CYRIA: variants seen among roughly 807,000 people sequenced by gnomAD.
CYRIA encodes CYFIP-related Rac1 interactor A.
CYRIA carries 15 observed loss-of-function variants against 43.9 expected under a neutral mutation model. The observed-to-expected ratio is 0.34, with a 90% CI of 0.23 to 0.53. The LOEUF is 0.53. Among genes scored for constraint, CYRIA ranks in the 20% least tolerant of loss-of-function variants. The pLI is 0.94. For synonymous variants in CYRIA, 117 were observed against 136.0 expected (o/e 0.86, Z 0.97); for missense variants, 236 against 394.2 (o/e 0.60, Z 3.40).
In CYRIA at chr2:16,659,653, G is replaced by A. The variant is rs190601323; in HGVS notation, c.-167+6127C>T. The stretch of plus-strand genomic sequence containing the variant: ...GTGACTGGGAGCCAGCCTCATCACC[G>A]TGGCTGGAAAGGCCTGCATCTGGTT... On this transcript the variant is annotated intron_variant, in intron 1 of 11. Transcript: ENST00000381323. Among the ~76,000 whole-genome samples the A allele has an allele frequency of 5.4e-4, 83 of 152,302 alleles. 1 individual carries two copies. The highest frequency in any genetic ancestry group is 3.4e-4 in the Non-Finnish European group (23 of 68,026).
intron 2 of CYRIA, among the ~76,000 whole-genome samples, chr2:16,601,865 G>T (rs1449669981): frequency 6.6e-6 from 1 of 152,122 alleles, no homozygotes; most frequent in East Asian, 1.9e-4. Flanking sequence ...ATTTTAAAAA[G>T]AAGTGACTGT....
At chr2:16,633,504 C>T (rs34009797) in intron 1 of CYRIA, among the ~76,000 whole-genome samples, 1,737 of 146,166 alleles carry the variant, frequency 0.012, 20 homozygotes, top group Non-Finnish European at 0.017. Context: ...ATGTCCACCT[C>T]GAATAGTTGG....
Position 16,553,019 on chromosome 2 carries a change from T to C in CYRIA, c.909-20A>G, listed in dbSNP as rs756844443. On this transcript the variant is annotated intron_variant, in intron 11 of 11. Transcript: ENST00000381323. ...GTGAACCTGGATGGAGAGAGAATGG[T>C]AGAGGTTAGCGGCAAACAGTGCTCT... 1.1e-5 allele frequency: 17 copies of C among 1,536,332 alleles called. No individual in the cohort carries two copies. The highest frequency in any genetic ancestry group is 1.4e-5 in the Non-Finnish European group (15 of 1,108,548).
chr2:16,655,088 G>A lies in CYRIA; in HGVS notation c.-167+10692C>T, dbSNP rs561153438. Among the ~76,000 whole-genome samples the A allele has an allele frequency of 7.2e-5, 11 of 152,290 alleles. No homozygotes were observed. In the South Asian group the frequency reaches 2.1e-3, roughly 29 times the overall value. The stretch of plus-strand genomic sequence containing the variant: ...TTGACACACAGATGTTTTAAAGGGA[G>A]AAAAAACAGGAGATATGCACTTAGC... On this transcript the variant is annotated intron_variant, in intron 1 of 11. Transcript: ENST00000381323.
chr2:16,660,008 C>G (rs1670205955), intron 1 of CYRIA, among the ~76,000 whole-genome samples: 1 of 151,984 alleles, frequency 6.6e-6, no homozygotes, highest in South Asian at 2.1e-4. Context: ...GAAAGTGGCT[C>G]CCTTTCTGGG....
chr2:16,565,785 C>G lies in CYRIA; in HGVS notation c.71-18G>C. 6.5e-7 allele frequency: 1 copy of G among 1,542,720 alleles called. No homozygotes were observed. The highest frequency in any genetic ancestry group is 8.8e-7 in the Non-Finnish European group (1 of 1,130,020). ...CTGAGCATCTAAGAAACAGGGAAAC[C>G]GAGAGACAGAGTGCTGGTGTTTACA... On this transcript the variant is annotated intron_variant, in intron 3 of 11. Transcript: ENST00000381323.
At chr2:16,617,423 C>G (rs919695458) in intron 2 of CYRIA, among the ~76,000 whole-genome samples, 8 of 152,222 alleles carry the variant, frequency 5.3e-5, no homozygotes, top group African/African-American at 1.9e-4. Context: ...TGCCATCAGG[C>G]CTAGGCCAAA....
At chr2:16,582,861 T>A (rs531587690) in intron 3 of CYRIA, among the ~76,000 whole-genome samples, 8 of 152,320 alleles carry the variant, frequency 5.3e-5, no homozygotes, top group Middle Eastern at 3.4e-3. Flanking sequence ...TTTTCACTTT[T>A]CTTGCATATA....
intron 7 of CYRIA, 37 bp downstream of exon 7, chr2:16,561,419 A>G: frequency 6.3e-7 from 1 of 1,584,762 alleles, no homozygotes; most frequent in Non-Finnish European, 8.7e-7. Flanking sequence ...AGAGTCATGG[A>G]GAAGGGTGCA....
intron 1 of CYRIA, among the ~76,000 whole-genome samples, chr2:16,643,730 T>A (rs1484572777): frequency 6.6e-6 from 1 of 152,230 alleles, no homozygotes; most frequent in South Asian, 2.1e-4. Flanking sequence ...CCCACTGTTA[T>A]GTTCCTAGAG....
At chr2:16,586,443 T>C (rs1667731025) in intron 3 of CYRIA, among the ~76,000 whole-genome samples, 1 of 152,092 alleles carries the variant, frequency 6.6e-6, no homozygotes. Context: ...AGGCCCATTT[T>C]ATATATCAAC....
intron 2 of CYRIA, among the ~76,000 whole-genome samples, chr2:16,618,405 A>C (rs975056211): frequency 6.6e-6 from 1 of 152,186 alleles, no homozygotes; most frequent in Non-Finnish European, 1.5e-5. Context: ...GCACTTGTTG[A>C]GGTCTACTTC....
intron 3 of CYRIA, among the ~76,000 whole-genome samples, chr2:16,586,539 C>A (rs1217272398): frequency 1.3e-5 from 2 of 151,424 alleles, no homozygotes; most frequent in African/African-American, 4.9e-5. Context: ...AAATCAGAAG[C>A]AAGGCATCTT....
chr2:16,562,921 C>T (rs114673833), intron 5 of CYRIA, among the ~76,000 whole-genome samples: 302 of 152,260 alleles, frequency 2.0e-3, no homozygotes, highest in African/African-American at 6.8e-3. Context: ...AAAGACAGGA[C>T]GGCCCACAAC....
At chr2:16,658,079 A>T (rs545629130) in intron 1 of CYRIA, among the ~76,000 whole-genome samples, 7 of 152,350 alleles carry the variant, frequency 4.6e-5, no homozygotes, top group South Asian at 4.1e-4. Context: ...TAAGAAAAAG[A>T]CTTAGGATAA....
chr2:16,554,437 T>C (rs1666429679), intron 11 of CYRIA, among the ~76,000 whole-genome samples: 3 of 152,170 alleles, frequency 2.0e-5, no homozygotes, highest in Admixed American at 2.0e-4. Context: ...TGCCTAGGCA[T>C]CACTTGTTAG....
At chr2:16,656,552 A>G (rs1342822967) in intron 1 of CYRIA, among the ~76,000 whole-genome samples, 2 of 152,208 alleles carry the variant, frequency 1.3e-5, no homozygotes, top group Admixed American at 6.5e-5. Flanking sequence ...TGGAAGCTAC[A>G]TGGCTATCAC....
chr2:16,576,638 G>T (rs193027857), intron 3 of CYRIA, among the ~76,000 whole-genome samples: 1 of 152,252 alleles, frequency 6.6e-6, no homozygotes, highest in Non-Finnish European at 1.5e-5. Context: ...TATTGATGTT[G>T]GTCATTATGT....
chr2:16,620,700 G>A (rs1457002711), intron 2 of CYRIA, among the ~76,000 whole-genome samples: 1 of 152,114 alleles, frequency 6.6e-6, no homozygotes, highest in Non-Finnish European at 1.5e-5. Context: ...AAAAATCCCT[G>A]ATTCATACCC....
Sources: gnomAD v4.1 joint callset for allele counts (sites outside exome capture counted in the v4.1 genomes callset) on GRCh38, gnomAD v4.1.1 for gene constraint, MANE v1.5 for transcripts, NCBI Gene and HGNC (gene_info 2026-07-23, HGNC 2026-07-21) for gene names.